Variants in DAB1 observed in about 807,000 individuals in gnomAD.
The protein encoded by DAB1 is DAB adaptor protein 1.
Under a neutral mutation model 64.6 loss-of-function variants are expected in DAB1, and 15 were observed. The ratio of observed to expected loss-of-function variants is 0.23; its 90% confidence interval spans 0.16 to 0.36. DAB1 has a LOEUF of 0.36. Among genes scored for constraint, DAB1 ranks in the 10% least tolerant of loss-of-function variants. The pLI is 1.00. For missense variants in DAB1, 596 were observed against 706.7 expected, an observed-to-expected ratio of 0.84 and a Z score of 1.78; for synonymous variants, 235 against 251.9, an observed-to-expected ratio of 0.93 and a Z score of 0.64.
At chr1:57,160,300 C>G (rs1157628608) in intron 2 of DAB1, among the ~76,000 whole-genome samples, 1 of 152,160 alleles carries the variant, frequency 6.6e-6, no homozygotes, top group African/African-American at 2.4e-5. Flanking sequence ...TCACAGCCAC[C>G]TAGCATGACA....
At chr1:57,071,105 AAAGG>A (rs2100594310) in intron 6 of DAB1, 44 bp from the exon 7 acceptor site, 1 of 1,559,514 alleles carries the variant, frequency 6.4e-7, no homozygotes, top group East Asian at 2.2e-5. Context: ...CAGAGGACAT[AAAGG>A]AAGAGATGTG....
chr1:57,496,580 C>G (rs1247239211), intron 7 of DAB1, among the ~76,000 whole-genome samples: 1 of 152,146 alleles, frequency 6.6e-6, no homozygotes, highest in Non-Finnish European at 1.5e-5. Flanking sequence ...TGCTGTTTTT[C>G]AAACATTAAA....
At chr1:57,870,123 G>A (rs576590480) in intron 1 of DAB1, among the ~76,000 whole-genome samples, 6 of 152,228 alleles carry the variant, frequency 3.9e-5, no homozygotes, top group Admixed American at 2.6e-4. Flanking sequence ...CTACCTTGCA[G>A]GTTTGATATG....
chr1:57,808,755 C>T (rs969277788), intron 6 of DAB1, among the ~76,000 whole-genome samples: 1 of 152,218 alleles, frequency 6.6e-6, no homozygotes, highest in Admixed American at 6.5e-5. Context: ...AATGCTTTCA[C>T]ATGCGTTATC....
At chr1:58,089,462 G>A (rs1262474171) in intron 5 of DAB1, among the ~76,000 whole-genome samples, 1 of 152,224 alleles carries the variant, frequency 6.6e-6, no homozygotes, top group Non-Finnish European at 1.5e-5. Context: ...ATGCAACTGT[G>A]TCTGGAAGGA....
chr1:57,139,121 C>T (rs1274045132), intron 3 of DAB1, among the ~76,000 whole-genome samples: 1 of 152,108 alleles, frequency 6.6e-6, no homozygotes, highest in African/African-American at 2.4e-5. Context: ...AATAATTAGC[C>T]CCTTGATGGT....
At chr1:57,653,188 C>G (rs1218892480) in intron 6 of DAB1, among the ~76,000 whole-genome samples, 2 of 152,078 alleles carry the variant, frequency 1.3e-5, no homozygotes, top group Non-Finnish European at 2.9e-5. Flanking sequence ...TAGAAATAAG[C>G]AAACCCTCCC....
At chr1:57,476,151 G>A (rs1319994264) in intron 7 of DAB1, among the ~76,000 whole-genome samples, 1 of 151,588 alleles carries the variant, frequency 6.6e-6, no homozygotes, top group Non-Finnish European at 1.5e-5. Context: ...GCTTGAATCT[G>A]GGAGGTGGAG....
At chr1:57,430,331 G>A (rs1409225348) in intron 7 of DAB1, among the ~76,000 whole-genome samples, 1 of 151,828 alleles carries the variant, frequency 6.6e-6, no homozygotes, top group African/African-American at 2.4e-5. Flanking sequence ...CACATGCCAG[G>A]CATTTAGGAA....
chr1:57,729,307 C>T lies in DAB1; in HGVS notation n.552-79642G>A, dbSNP rs186858289. On this transcript the variant is annotated intron_variant and non_coding_transcript_variant, in intron 6 of 20. Coordinates refer to the DAB1 transcript ENST00000485760. ...CCTCTGCCGTCCATGCTGGCTACTA[C>T]TGGAGGCAGCCAGTCCCCCACATCC... 1.1e-3 allele frequency among the ~76,000 whole-genome samples: 172 copies of T among 152,356 alleles called. 1 individual carries two copies. Among genetic ancestry groups the T allele is most frequent in the African/African-American group, 4.0e-3 (168 of 41,596 alleles).
chr1:57,375,180 G>GCTGTC (rs1382141910), intron 1 of DAB1, among the ~76,000 whole-genome samples: 5 of 152,062 alleles, frequency 3.3e-5, no homozygotes, highest in African/African-American at 1.2e-4. Flanking sequence ...GGAGCAGGTG[G>GCTGTC]CTGTCTCCTC....
At chr1:57,861,398 GTC>G (rs1654021196) in intron 1 of DAB1, among the ~76,000 whole-genome samples, 1 of 152,210 alleles carries the variant, frequency 6.6e-6, no homozygotes, top group Admixed American at 6.5e-5. Context: ...GCAGCTAGTT[GTC>G]TAGCCTCTTC....
At chr1:57,280,641 A>T (rs1303382260) in intron 2 of DAB1, among the ~76,000 whole-genome samples, 4 of 152,206 alleles carry the variant, frequency 2.6e-5, no homozygotes, top group Non-Finnish European at 5.9e-5. Flanking sequence ...CAGTGGGATG[A>T]ACTAATATGG....
At chr1:57,602,316 AG>A (rs1395060995) in intron 7 of DAB1, among the ~76,000 whole-genome samples, 12 of 152,140 alleles carry the variant, frequency 7.9e-5, no homozygotes, top group African/African-American at 2.9e-4. Context: ...ATCCTTGTGA[AG>A]TTTTCTCACA....
intron 7 of DAB1, among the ~76,000 whole-genome samples, chr1:57,566,642 A>C (rs887403070): frequency 6.6e-6 from 1 of 152,196 alleles, no homozygotes; most frequent in Admixed American, 6.5e-5. Flanking sequence ...AGAATACTAT[A>C]AACACCTAAA....
intron 7 of DAB1, among the ~76,000 whole-genome samples, chr1:57,571,028 A>G (rs1645188074): frequency 6.6e-6 from 1 of 152,202 alleles, no homozygotes; most frequent in Non-Finnish European, 1.5e-5. Context: ...TGTATAGCAG[A>G]AGCTACTGAT....
At chr1:58,483,315 G>A (rs560152813) in intron 3 of DAB1, among the ~76,000 whole-genome samples, 1 of 152,254 alleles carries the variant, frequency 6.6e-6, no homozygotes, top group African/African-American at 2.4e-5. Context: ...GGGTATGGTA[G>A]GGGCACAGGT....
intron 6 of DAB1, among the ~76,000 whole-genome samples, chr1:57,672,990 T>A (rs957136908): frequency 2.0e-5 from 3 of 152,168 alleles, no homozygotes; most frequent in African/African-American, 7.2e-5. Context: ...GGTGAGGATA[T>A]GTGTGTGTGT....
At chr1:57,429,347 T>C (rs1229126488) in intron 7 of DAB1, among the ~76,000 whole-genome samples, 1 of 152,244 alleles carries the variant, frequency 6.6e-6, no homozygotes, top group Admixed American at 6.5e-5. Context: ...GTTTGTTGTC[T>C]ACTATTGAGT....
Sources: allele counts gnomAD v4.1 joint callset (sites outside exome capture counted in the v4.1 genomes callset), GRCh38; gene constraint gnomAD v4.1.1; transcripts MANE v1.5; gene names NCBI Gene and HGNC (gene_info 2026-07-23, HGNC 2026-07-21).